Variants in FRMD4A observed in about 807,000 individuals in gnomAD.
The protein encoded by FRMD4A is FERM domain-containing protein 4A.
FRMD4A carries 29 observed loss-of-function variants against 129.1 expected under a neutral mutation model. That is an observed-to-expected ratio of 0.22 (90% CI 0.17 to 0.31). FRMD4A has a LOEUF of 0.31. FRMD4A is among the 10% of genes least tolerant of loss of function. The probability of loss-of-function intolerance (pLI) is 1.00; values close to 1 mark genes in which losing one functional copy is unlikely to be tolerated. For missense variants in FRMD4A, 1,272 were observed against 1,375.8 expected, an observed-to-expected ratio of 0.92 and a Z score of 1.19; for synonymous variants, 634 against 571.6, an observed-to-expected ratio of 1.11 and a Z score of -1.56.
intron 8 of FRMD4A, among the ~76,000 whole-genome samples, chr10:13,760,314 A>T (rs909756806): frequency 1.3e-5 from 2 of 152,058 alleles, no homozygotes; most frequent in African/African-American, 4.8e-5. Context: ...GAGATGTCTG[A>T]CTGAGAACAG....
intron 2 of FRMD4A, among the ~76,000 whole-genome samples, chr10:14,081,790 G>A (rs1423665782): frequency 1.3e-5 from 2 of 152,194 alleles, no homozygotes; most frequent in Non-Finnish European, 2.9e-5. Flanking sequence ...TGCTTAAGGT[G>A]ACATAGCCAG....
intron 4 of FRMD4A, among the ~76,000 whole-genome samples, chr10:13,808,427 C>CT (rs1373097206): frequency 6.6e-6 from 1 of 152,224 alleles, no homozygotes; most frequent in African/African-American, 2.4e-5. Context: ...GGATGTAGTA[C>CT]TGTAAGGCTA....
At chr10:14,072,438 A>G (rs1335031754) in intron 2 of FRMD4A, among the ~76,000 whole-genome samples, 2 of 152,224 alleles carry the variant, frequency 1.3e-5, no homozygotes, top group East Asian at 1.9e-4. Context: ...CATTATTTGG[A>G]AAATTAAAAG....
chr10:14,219,861 G>A (rs1318318607), intron 2 of FRMD4A, among the ~76,000 whole-genome samples: 1 of 152,200 alleles, frequency 6.6e-6, no homozygotes, highest in Non-Finnish European at 1.5e-5. Context: ...TTAATCACAA[G>A]CGATGCTAGT....
rs116668323 is a variant in FRMD4A, at chr10:13,940,701, G to C, written c.46-81789C>G. ...TTGAGGCTGACCCGGGTAGTGATGGGATGAGAATGTCAAGAGAAGATGTCC... is the reference window on the plus strand; with the variant it reads ...TTGAGGCTGACCCGGGTAGTGATGGCATGAGAATGTCAAGAGAAGATGTCC... On this transcript the variant is annotated intron_variant, in intron 2 of 24. Transcript: ENST00000357447. Among the ~76,000 whole-genome samples the C allele has an allele frequency of 4.6e-3, 700 of 152,280 alleles. 7 individuals are homozygous for C. The highest frequency in any genetic ancestry group is 0.016 in the African/African-American group (678 of 41,554).
At chr10:13,879,178 T>G (rs1484404319) in intron 2 of FRMD4A, among the ~76,000 whole-genome samples, 2 of 152,022 alleles carry the variant, frequency 1.3e-5, no homozygotes, top group African/African-American at 4.8e-5. Flanking sequence ...GCTGGAGGAT[T>G]GCTTGAAGCC....
chr10:13,888,601 A>G (rs768833120), intron 2 of FRMD4A, among the ~76,000 whole-genome samples: 7 of 152,212 alleles, frequency 4.6e-5, no homozygotes, highest in Non-Finnish European at 1.0e-4. Context: ...TCATTAGAAG[A>G]TCATTACCCT....
At chr10:13,835,857 TCTGGAAAA>T (rs1168608460) in intron 3 of FRMD4A, among the ~76,000 whole-genome samples, 1 of 152,182 alleles carries the variant, frequency 6.6e-6, no homozygotes, top group African/African-American at 2.4e-5. Flanking sequence ...CTTTCACCAG[TCTGGAAAA>T]ATTGTCTTCC....
chr10:14,304,711 T>G (rs1846289603), intron 2 of FRMD4A, among the ~76,000 whole-genome samples: 1 of 152,210 alleles, frequency 6.6e-6, no homozygotes, highest in Non-Finnish European at 1.5e-5. Flanking sequence ...TAAAACTGTT[T>G]GCCTGAGGGC....
intron 5 of FRMD4A, among the ~76,000 whole-genome samples, chr10:13,791,830 C>T (rs1170780915): frequency 1.3e-5 from 2 of 152,136 alleles, no homozygotes; most frequent in Admixed American, 1.3e-4. Context: ...TGACACAGCT[C>T]AGGGTGATGA....
chr10:14,261,232 T>C (rs1250768372), intron 2 of FRMD4A, among the ~76,000 whole-genome samples: 1 of 152,200 alleles, frequency 6.6e-6, no homozygotes, highest in Non-Finnish European at 1.5e-5. Context: ...CAAAACATCA[T>C]GATTAAACAT....
intron 2 of FRMD4A, among the ~76,000 whole-genome samples, chr10:14,185,154 A>T (rs2131908388): frequency 6.6e-6 from 1 of 152,308 alleles, no homozygotes; most frequent in South Asian, 2.1e-4. Context: ...ATAGCTCAGA[A>T]AGAACCTTTC....
chr10:13,750,109 G>GA lies in FRMD4A; in HGVS notation c.465-2291dup, dbSNP rs59377985. On this transcript the variant is annotated intron_variant, in intron 8 of 24. Coordinates refer to ENST00000357447, the MANE Select transcript of FRMD4A (RefSeq NM_018027.5). Reference sequence around the variant, plus strand: ...GAAAGAAAGAAAGAAAGAAAGAAATGAAGAAAGAAAGAAAGAAAGAAAGAA... The same window carrying GA: ...GAAAGAAAGAAAGAAAGAAAGAAATGAAAGAAAGAAAGAAAGAAAGAAAGAA... 2.9e-3 allele frequency among the ~76,000 whole-genome samples: 211 copies of GA among 73,596 alleles called. 1 individual carries two copies. The highest frequency in any genetic ancestry group is 0.023 in the Middle Eastern group (3 of 132). 48.3% of individuals were successfully genotyped at this position (73,596 alleles called of 152,430 possible).
chr10:14,280,006 T>C (rs1845466519), intron 2 of FRMD4A, among the ~76,000 whole-genome samples: 1 of 152,200 alleles, frequency 6.6e-6, no homozygotes, highest in Non-Finnish European at 1.5e-5. Flanking sequence ...CTGACTTCAA[T>C]TTCTTATCCT....
rs1214163601 is a variant in FRMD4A at position 13,775,889 on chromosome 10, G to A, written c.384+7033C>T. 4.1e-5 allele frequency among the ~76,000 whole-genome samples: 4 copies of A among 96,902 alleles called. No individual in the cohort carries two copies. In the Admixed American group the frequency reaches 4.3e-4, roughly 10 times the overall value. The allele number at this position is 96,902 out of a possible 152,430, so 63.6% of individuals were successfully genotyped here. A position where few individuals can be genotyped will look rare whatever the true frequency, so the allele number is the denominator to read the frequency against. ...CTTTTGGGAGAAAAGTGAAGGGTATGTAGTAACTAAATAAGTGAAAGCAAG... is the reference window on the plus strand; with the variant it reads ...CTTTTGGGAGAAAAGTGAAGGGTATATAGTAACTAAATAAGTGAAAGCAAG... On this transcript the variant is annotated intron_variant, in intron 6 of 24. Transcript: ENST00000357447.
chr10:14,120,778 T>C (rs1253077791), intron 2 of FRMD4A, among the ~76,000 whole-genome samples: 1 of 152,100 alleles, frequency 6.6e-6, no homozygotes, highest in Non-Finnish European at 1.5e-5. Flanking sequence ...ATGCAGACAC[T>C]GAGACCCAGG....
chr10:13,696,846 A>G (rs1317985346), intron 14 of FRMD4A, among the ~76,000 whole-genome samples: 2 of 152,242 alleles, frequency 1.3e-5, no homozygotes, highest in African/African-American at 4.8e-5. Flanking sequence ...ATGTTTGTAA[A>G]ATGGAGGTCT....
chr10:13,650,422 G>A (rs546925710), intron 24 of FRMD4A, among the ~76,000 whole-genome samples: 2 of 150,128 alleles, frequency 1.3e-5, no homozygotes, highest in African/African-American at 5.0e-5. Flanking sequence ...GCATGAACTC[G>A]TGTATGTATT....
intron 2 of FRMD4A, among the ~76,000 whole-genome samples, chr10:14,306,417 C>G (rs1846354039): frequency 6.6e-6 from 1 of 152,060 alleles, no homozygotes; most frequent in African/African-American, 2.4e-5. Context: ...CAAAATGGAG[C>G]CAGAAATAGT....
Sources: gnomAD v4.1 joint callset for allele counts (sites outside exome capture counted in the v4.1 genomes callset) on GRCh38, gnomAD v4.1.1 for gene constraint, MANE v1.5 for transcripts, NCBI Gene and HGNC (gene_info 2026-07-23, HGNC 2026-07-21) for gene names.